The following MIA3 variants were observed in gnomAD, a reference collection of about 807,000 sequenced individuals.
MIA3 encodes the protein transport and Golgi organization protein 1 homolog.
In MIA3, 90 loss-of-function variants were observed where a neutral mutation model predicts 192.4. That is an observed-to-expected ratio of 0.47 (90% CI 0.39 to 0.56). The LOEUF (loss-of-function observed/expected upper bound fraction) is 0.56, where lower values mean the gene tolerates loss of function less well. MIA3 is among the 20% of genes least tolerant of loss of function. The pLI is 0.00. For missense variants in MIA3, 2,123 were observed against 2,269.4 expected, an observed-to-expected ratio of 0.94 and a Z score of 1.31; for synonymous variants, 740 against 792.8, an observed-to-expected ratio of 0.93 and a Z score of 1.12.
rs558651835 is a variant in MIA3 at position 222,635,424 on chromosome 1, A to G, written c.3477+2175A>G. ...CATGAATGGCAAGATATAAGGGCGCAGTGTTATAAGATGCCGACTTGAGAG... is the reference window on the plus strand; with the variant it reads ...CATGAATGGCAAGATATAAGGGCGCGGTGTTATAAGATGCCGACTTGAGAG... On this transcript the variant is annotated intron_variant, in intron 6 of 27. Transcript: ENST00000344922. Among the ~76,000 whole-genome samples the G allele has an allele frequency of 5.3e-5, 8 of 152,210 alleles. No homozygotes were observed. In the South Asian group the frequency reaches 6.2e-4, roughly 12 times the overall value.
chr1:222,625,468 T>G (rs988647788), intron 3 of MIA3, among the ~76,000 whole-genome samples: 1 of 152,344 alleles, frequency 6.6e-6, no homozygotes, highest in South Asian at 2.1e-4. Context: ...CTGTTAGACA[T>G]TTTAAGGATA....
Position 222,628,610 on chromosome 1 carries a change from A to G in MIA3, c.1390A>G (p.Ile464Val), listed in dbSNP as rs746689324. The G allele has an allele frequency of 7.7e-5, 125 of 1,614,020 alleles. No homozygotes were observed. The Middle Eastern group carries it at 1.2e-3, about 15-fold the overall frequency. ...NDKEVNAEHHIKGKGRGVQES... is the reference protein window; with the variant it reads ...NDKEVNAEHHVKGKGRGVQES... ...CAAAGAAGTAAACGCAGAACATCAC[A>G]TTAAAGGAAAAGGGAGGGGAGTTCA... Residue 464 changes from isoleucine to valine, a missense_variant, in exon 4 of 28, where the codon ATT (isoleucine) becomes GTT (valine). Ile to Val is a conservative substitution (Grantham distance 29). This residue lies in a region of MIA3 where 1,357 missense variants were observed against 1,396.1 expected (regional missense o/e 0.97). Transcript: ENST00000344922.
At position 222,659,916 on chromosome 1, in the gene MIA3, T is replaced by G; in HGVS notation, c.4885T>G (p.Leu1629Val). The G allele has an allele frequency of 6.2e-7, 1 of 1,612,554 alleles. No individual in the cohort carries two copies. Among genetic ancestry groups the G allele is most frequent in the South Asian group, 1.1e-5 (1 of 90,922 alleles). The change falls in exon 23 of 28, where the codon TTA becomes GTA. Residue 1629 changes from leucine to valine, a missense_variant. By Grantham distance (32) the Leu-to-Val change is conservative (BLOSUM62 1). This residue lies in a region of MIA3 where 762 missense variants were observed against 856.4 expected (regional missense o/e 0.89). Coordinates refer to ENST00000344922, the MANE Select transcript of MIA3 (RefSeq NM_198551.4). ...TTCTCTATATTCAAGATTATTAGAATTAACACAAAAGATGGCAATGCTGCA... is the reference window on the plus strand; with the variant it reads ...TTCTCTATATTCAAGATTATTAGAAGTAACACAAAAGATGGCAATGCTGCA... ...AANLRHKLLE[L>V]TQKMAMLQEE...
intron 6 of MIA3, among the ~76,000 whole-genome samples, chr1:222,640,658 A>G (rs1395452746): frequency 2.0e-5 from 3 of 152,218 alleles, no homozygotes; most frequent in African/African-American, 7.2e-5. Context: ...TAAAACTTCT[A>G]GGAAAAATTA....
Position 222,618,185 on chromosome 1 carries a change from C to T in MIA3, c.75C>T (p.Asp25=). 6.7e-7 allele frequency: 1 copy of T among 1,500,992 alleles called. No individual in the cohort carries two copies. Among genetic ancestry groups the T allele is most frequent in the Non-Finnish European group, 8.9e-7 (1 of 1,123,614 alleles). 93.0% of individuals were successfully genotyped at this position (1,500,992 alleles called of 1,614,324 possible). The change falls in exon 1 of 28, where the codon GAC becomes GAT. Residue 25 remains aspartate (D), a synonymous_variant. Transcript: ENST00000344922. ...CCTGGCGGGTGCCGGGCCAGCTGGA[C>T]CCCAGCACTGGCCGGCGGTTCTCGG... is the stretch of plus-strand genomic sequence containing the variant. ...RLPWRVPGQL[D]PSTGRRFSEH...
At chr1:222,662,594 T>A (rs1458530284) in intron 26 of MIA3, 1 of 814,476 alleles carries the variant, frequency 1.2e-6, no homozygotes, top group Non-Finnish European at 1.7e-6. Flanking sequence ...ATCTTACTTT[T>A]ATCCTTGACT....
At chr1:222,635,091 T>C (rs1373899184) in intron 6 of MIA3, among the ~76,000 whole-genome samples, 1 of 152,196 alleles carries the variant, frequency 6.6e-6, no homozygotes, top group South Asian at 2.1e-4. Context: ...GGAAAACAAG[T>C]AGGAAAACCA....
At chr1:222,620,652 G>T (rs1167874448) in intron 1 of MIA3, among the ~76,000 whole-genome samples, 1 of 152,226 alleles carries the variant, frequency 6.6e-6, no homozygotes, top group Admixed American at 6.5e-5. Context: ...GTCACTTGAA[G>T]ATAGACCCTT....
At chr1:222,644,044 G>A (rs1662991997) in intron 6 of MIA3, among the ~76,000 whole-genome samples, 1 of 152,226 alleles carries the variant, frequency 6.6e-6, no homozygotes, top group Non-Finnish European at 1.5e-5. Context: ...CGAGAGACCT[G>A]CTTTTCTCCT....
Position 222,665,457 on chromosome 1 carries a change from T to C in MIA3, c.5562T>C (p.Phe1854=), listed in dbSNP as rs761651189. Residue 1854 remains phenylalanine, a synonymous_variant, in exon 28 of 28, where the codon TTT becomes TTC. Transcript: ENST00000344922. ...PLGSLGPREY[F]IPGTRLPPPT... ...GTTCACTTGGCCCAAGAGAGTACTTTATTCCTGGTACCCGATTACCACCCC... is the reference window on the plus strand; with the variant it reads ...GTTCACTTGGCCCAAGAGAGTACTTCATTCCTGGTACCCGATTACCACCCC... 2.5e-6 allele frequency: 4 copies of C among 1,614,026 alleles called. No homozygotes were observed. In the Admixed American group the frequency reaches 6.7e-5, roughly 27 times the overall value.
Position 222,652,991 on chromosome 1 carries a change from G to A in MIA3, c.4087-17G>A. ...AAAAGCCCTAACCTGTGGGAATCAT[G>A]TGTTTTAACTTTGCAGTTGCAGCAG... On this transcript the variant is annotated splice_polypyrimidine_tract_variant and intron_variant, in intron 13 of 27. Coordinates refer to ENST00000344922, the MANE Select transcript of MIA3 (RefSeq NM_198551.4). 6.2e-7 allele frequency: 1 copy of A among 1,605,144 alleles called. No homozygotes were observed. The highest frequency in any genetic ancestry group is 8.5e-7 in the Non-Finnish European group (1 of 1,173,628).
At position 222,665,648 on chromosome 1, in the gene MIA3, A is replaced by G; in HGVS notation, c.*29A>G. The stretch of plus-strand genomic sequence containing the variant: ...TATGACCTCTGAGGTTTCATTGGAA[A>G]GAAAGTGTACTGTGCATTATCCATT... On this transcript the variant is annotated 3_prime_UTR_variant, in exon 28 of 28. Coordinates refer to ENST00000344922, the MANE Select transcript of MIA3 (RefSeq NM_198551.4). The G allele has an allele frequency of 6.6e-7, 1 of 1,525,836 alleles. No individual in the cohort carries two copies. Among genetic ancestry groups the G allele is most frequent in the African/African-American group, 1.4e-5 (1 of 71,838 alleles). The allele number at this position is 1,525,836 out of a possible 1,614,324, so 94.5% of individuals were successfully genotyped here.
At position 222,665,797 on chromosome 1, in the gene MIA3, C is replaced by T. The variant is rs1664255314; in HGVS notation, c.*178C>T. 2 of 471,904 alleles carry T rather than the reference C, an allele frequency of 4.2e-6. No individual in the cohort carries two copies. The highest frequency in any genetic ancestry group is 7.1e-6 in the Non-Finnish European group (2 of 281,992). 29.2% of individuals were successfully genotyped at this position (471,904 alleles called of 1,614,324 possible). A position where few individuals can be genotyped will look rare whatever the true frequency, so the allele number is the denominator to read the frequency against. ...ACAATTCAAAAATGTCATTTCTTCC[C>T]TAAATAAAAATCACCTTTTAAGCTA... On this transcript the variant is annotated 3_prime_UTR_variant, in exon 28 of 28. Transcript: ENST00000344922.
rs562080628 is a variant in MIA3, at chr1:222,667,757, AT to A, written c.*2142del. ...CTTTTCCATCTCTAAAGTTTCATCTATTTTGGAAGTCATCTCCAACTAATTG... is the reference window on the plus strand; with the variant it reads ...CTTTTCCATCTCTAAAGTTTCATCTATTTGGAAGTCATCTCCAACTAATTG... On this transcript the variant is annotated 3_prime_UTR_variant, in exon 28 of 28. Coordinates refer to ENST00000344922, the MANE Select transcript of MIA3 (RefSeq NM_198551.4). 2.0e-5 allele frequency: 3 copies of A among 152,302 alleles called. No homozygotes were observed. The South Asian group carries it at 6.2e-4, about 32-fold the overall frequency. 9.4% of individuals were successfully genotyped at this position (152,302 alleles called of 1,614,324 possible).
chr1:222,627,605 A>G lies in MIA3; in HGVS notation c.385A>G (p.Arg129Gly), dbSNP rs745368271. ...ETDFVCFDGG[R>G]DDFHNYNVEE... ...GGATTTTGTTTGTTTTGATGGAGGA[A>G]GAGATGATTTTCATAATTATAATGT... Residue 129 changes from arginine to glycine, a missense_variant, in exon 4 of 28, where the codon AGA becomes GGA. By Grantham distance (125) the Arg-to-Gly change is moderately radical. Around this residue, in one of 3 missense-constraint regions of MIA3, gnomAD observed 1,357 missense variants for 1,396.1 expected, o/e 0.97. Coordinates refer to ENST00000344922, the MANE Select transcript of MIA3 (RefSeq NM_198551.4). 1.9e-6 allele frequency: 3 copies of G among 1,579,546 alleles called. No homozygotes were observed. In the East Asian group the frequency reaches 6.7e-5, roughly 35 times the overall value.
chr1:222,641,739 A>G (rs1662868080), intron 6 of MIA3: 1 of 559,218 alleles, frequency 1.8e-6, no homozygotes, highest in East Asian at 4.8e-5. Context: ...TGGCTTCTAC[A>G]TACTTGGTCT....
intron 6 of MIA3, chr1:222,641,820 T>TA (rs1486300584): frequency 1.9e-6 from 1 of 536,602 alleles, no homozygotes; most frequent in Non-Finnish European, 3.8e-6. Context: ...TCTTGAGCAT[T>TA]TCTAGCTGCG....
At chr1:222,645,844 A>ATTATTTTTTTTTTTTTTTTTTTTT in intron 7 of MIA3, 159 bp downstream of exon 7, 1 of 630,282 alleles carries the variant, frequency 1.6e-6, no homozygotes, top group East Asian at 4.0e-5. Flanking sequence ...GTGTTGGTAA[A>ATTATTTTTTTTTTTTTTTTTTTTT]TTCTTAAGTG....
chr1:222,628,695 G>T lies in MIA3; in HGVS notation c.1475G>T (p.Gly492Val). The change falls in exon 4 of 28, where the codon GGC becomes GTC. Residue 492 changes from glycine (G) to valine (V), a missense_variant. Physicochemically the swap from Gly to Val is moderately radical, Grantham distance 109. Around this residue, in one of 3 missense-constraint regions of MIA3, gnomAD observed 1,357 missense variants for 1,396.1 expected, o/e 0.97. Transcript: ENST00000344922. ...GAATTAGAGGATGAAAATCAAGAAG[G>T]CATGACTGTGCACAGTTCTGTTCAC... ...KTELEDENQE[G>V]MTVHSSVHSN... 5 of 1,614,048 alleles carry T rather than the reference G, an allele frequency of 3.1e-6. No individual in the cohort carries two copies. Among genetic ancestry groups the T allele is most frequent in the Non-Finnish European group, 3.4e-6 (4 of 1,180,018 alleles).
Sources: gnomAD v4.1 joint callset for allele counts (sites outside exome capture counted in the v4.1 genomes callset) on GRCh38, gnomAD v4.1.1 for gene constraint, gnomAD v4.1.1 regional missense constraint, MANE v1.5 for transcripts, NCBI Gene and HGNC (gene_info 2026-07-23, HGNC 2026-07-21) for gene names.